The following PRKAR2A variants were observed in gnomAD, a reference collection of about 807,000 sequenced individuals.
PRKAR2A encodes cAMP-dependent protein kinase type II-alpha regulatory subunit.
A neutral mutation model predicts 51.9 loss-of-function variants in PRKAR2A; 29 were observed. The ratio of observed to expected loss-of-function variants is 0.56; its 90% CI spans 0.42 to 0.76. PRKAR2A has a LOEUF of 0.76. PRKAR2A is among the 30% of genes least tolerant of loss of function. PRKAR2A has a pLI of 0.00. For missense variants in PRKAR2A, 445 were observed against 512.1 expected, an observed-to-expected ratio of 0.87 and a Z score of 1.26; for synonymous variants, 178 against 186.2, an observed-to-expected ratio of 0.96 and a Z score of 0.36.
intron 2 of PRKAR2A, among the ~76,000 whole-genome samples, chr3:48,807,287 A>T (rs2082688248): frequency 6.6e-6 from 1 of 152,300 alleles, no homozygotes; most frequent in South Asian, 2.1e-4. Context: ...CACTTCCAGC[A>T]CCAAAACTGA....
rs1187982865 is a variant in PRKAR2A at position 48,782,997 on chromosome 3, A to G, written c.531T>C (p.Tyr177=). 3 of 1,608,578 alleles carry G rather than the reference A, an allele frequency of 1.9e-6. No individual in the cohort carries two copies. The highest frequency in any genetic ancestry group is 8.5e-7 in the Non-Finnish European group (1 of 1,175,128). The part of the protein sequence containing the change: ...IDQGDDGDNF[Y]VIERGTYDIL... ...GCTCCATCTCCTACCGTTCTATGAC[A>G]TAAAAGTTGTCTCCATCATCTCCTT... The change falls in exon 5 of 11, where the codon TAT becomes TAC. Residue 177 remains tyrosine, a synonymous_variant. Coordinates refer to ENST00000265563, the MANE Select transcript of PRKAR2A (RefSeq NM_004157.4).
intron 1 of PRKAR2A, among the ~76,000 whole-genome samples, chr3:48,838,317 T>C (rs2083318286): frequency 1.3e-5 from 2 of 151,442 alleles, no homozygotes; most frequent in South Asian, 2.1e-4. Flanking sequence ...ATGACTAAAG[T>C]GTATGGTGAC....
chr3:48,829,871 A>ATATATATATTT (rs1297832658), intron 1 of PRKAR2A, among the ~76,000 whole-genome samples: 19 of 87,720 alleles, frequency 2.2e-4, no homozygotes, highest in African/African-American at 9.1e-4. Context: ...ATATATATAT[A>ATATATATATTT]TTTTTTTTTT....
At chr3:48,841,429 C>T (rs1321428975) in intron 1 of PRKAR2A, among the ~76,000 whole-genome samples, 1 of 150,752 alleles carries the variant, frequency 6.6e-6, no homozygotes, top group Non-Finnish European at 1.5e-5. Context: ...CCTGTAATCC[C>T]AGCTACTCGG....
intron 1 of PRKAR2A, among the ~76,000 whole-genome samples, chr3:48,830,203 CA>C (rs56960810): frequency 7.0e-4 from 79 of 112,480 alleles, no homozygotes; most frequent in Admixed American, 6.5e-4. Context: ...AGCTCCGTCT[CA>C]AAAAAAAAAA....
Position 48,816,077 on chromosome 3 carries a change from A to T in PRKAR2A, c.263-8393T>A, listed in dbSNP as rs13073126. Among the ~76,000 whole-genome samples the T allele has an allele frequency of 1.3e-3, 195 of 151,456 alleles. 1 individual carries two copies. Among genetic ancestry groups the T allele is most frequent in the Non-Finnish European group, 2.1e-3 (142 of 67,892 alleles). On this transcript the variant is annotated intron_variant, in intron 1 of 10. Coordinates refer to ENST00000265563, the MANE Select transcript of PRKAR2A (RefSeq NM_004157.4). ...TGGCTTTATTACTAATACTTCTCCA[A>T]CCTTGCCTCCTATACCTCTCTCCCC...
In PRKAR2A at chr3:48,765,913, T is replaced by C. The variant is rs2081934351; in HGVS notation, c.697-564A>G. ...GTTTACAATCTTAATGGGGAGATAA[T>C]ATAAAATATCAAAATATGAAGGTTG... On this transcript the variant is annotated intron_variant, in intron 6 of 10. Transcript: ENST00000265563. 1.3e-5 allele frequency among the ~76,000 whole-genome samples: 2 copies of C among 151,986 alleles called. 1 individual carries two copies. The highest frequency in any genetic ancestry group is 4.2e-4 in the South Asian group (2 of 4,816).
rs959024612 is a variant in PRKAR2A, at chr3:48,793,339, A to C, written c.351+658T>G. On this transcript the variant is annotated intron_variant, in intron 3 of 10. Coordinates refer to ENST00000265563, the MANE Select transcript of PRKAR2A (RefSeq NM_004157.4). ...ATACTATGATAAACTCCATTTGTAC[A>C]TCCTCAGGAAGGATCCAACTTTCAT... 2.0e-5 allele frequency among the ~76,000 whole-genome samples: 3 copies of C among 152,166 alleles called. No homozygotes were observed. In the South Asian group the frequency reaches 6.2e-4, roughly 31 times the overall value.
intron 1 of PRKAR2A, among the ~76,000 whole-genome samples, chr3:48,841,544 A>G (rs1170161768): frequency 4.9e-5 from 1 of 20,474 alleles, no homozygotes; most frequent in African/African-American, 1.5e-4. Context: ...ACTCTGTCTC[A>G]AAAAAAAAAA....
intron 1 of PRKAR2A, among the ~76,000 whole-genome samples, chr3:48,829,847 G>GTGTATATATA (rs777532795): frequency 0.014 from 902 of 63,516 alleles, 11 homozygotes; most frequent in Non-Finnish European, 0.02. Context: ...ATGCGTGTGT[G>GTGTATATATA]TATATATATA....
chr3:48,785,030 T>C (rs757583097), intron 4 of PRKAR2A, among the ~76,000 whole-genome samples: 7 of 152,068 alleles, frequency 4.6e-5, no homozygotes, highest in Non-Finnish European at 1.0e-4. Context: ...GGTGATTTTA[T>C]ATTATACCAA....
chr3:48,809,622 A>AAC, intron 1 of PRKAR2A, among the ~76,000 whole-genome samples: 1 of 149,608 alleles, frequency 6.7e-6, no homozygotes, highest in African/African-American at 2.4e-5. Flanking sequence ...AAAAAAAAAA[A>AAC]ACTATATAGT....
At chr3:48,751,819 C>T (rs899548501) in intron 10 of PRKAR2A, 101 bp from the exon 11 acceptor site, 23 of 1,355,600 alleles carry the variant, frequency 1.7e-5, no homozygotes, top group African/African-American at 2.9e-5. Context: ...TGAGATTACG[C>T]CTTGGGACAC....
chr3:48,756,448 A>T lies in PRKAR2A; in HGVS notation c.874-4T>A. The T allele has an allele frequency of 6.2e-7, 1 of 1,612,936 alleles. No homozygotes were observed. The highest frequency in any genetic ancestry group is 8.5e-7 in the Non-Finnish European group (1 of 1,178,998). On this transcript the variant is annotated splice_region_variant and splice_polypyrimidine_tract_variant and intron_variant, in intron 8 of 10. Coordinates refer to ENST00000265563, the MANE Select transcript of PRKAR2A (RefSeq NM_004157.4). ...AAAAGCTATCAGCCTTTTCACCCTG[A>T]AAGAAAAGAGAGGTCAGGTCAGAGC...
chr3:48,758,885 C>T (rs572465323), intron 8 of PRKAR2A, among the ~76,000 whole-genome samples: 7 of 152,148 alleles, frequency 4.6e-5, no homozygotes, highest in South Asian at 2.1e-4. Flanking sequence ...TAGCAGGTAG[C>T]GTGAGTAGTT....
chr3:48,825,137 C>T (rs1331740307), intron 1 of PRKAR2A, among the ~76,000 whole-genome samples: 10 of 143,478 alleles, frequency 7.0e-5, no homozygotes, highest in African/African-American at 2.6e-4. Flanking sequence ...CAGGTTCAAG[C>T]GATGCCTCCT....
chr3:48,823,071 C>CTT lies in PRKAR2A; in HGVS notation c.263-15389_263-15388dup, dbSNP rs1281759433. Reference sequence around the variant, plus strand: ...TCACACAAAGGACTATTTTAAGTGACTTTTTTTTTTTTAACATAGAGACGA... The same window carrying CTT: ...TCACACAAAGGACTATTTTAAGTGACTTTTTTTTTTTTTTAACATAGAGACGA... On this transcript the variant is annotated intron_variant, in intron 1 of 10. Coordinates refer to ENST00000265563, the MANE Select transcript of PRKAR2A (RefSeq NM_004157.4). Among the ~76,000 whole-genome samples, 15 of 145,424 alleles carry CTT rather than the reference C, an allele frequency of 1.0e-4. No individual in the cohort carries two copies. In the East Asian group the frequency reaches 3.0e-3, roughly 29 times the overall value.
At chr3:48,808,239 GT>G (rs1269365690) in intron 1 of PRKAR2A, among the ~76,000 whole-genome samples, 1 of 141,498 alleles carries the variant, frequency 7.1e-6, no homozygotes, top group Non-Finnish European at 1.5e-5. Flanking sequence ...TAAGAGATGG[GT>G]TTTTTGTTTT....
chr3:48,805,866 T>C (rs1309528152), intron 2 of PRKAR2A, among the ~76,000 whole-genome samples: 4 of 152,216 alleles, frequency 2.6e-5, no homozygotes, highest in African/African-American at 9.6e-5. Context: ...GATAATACCA[T>C]GTACTTGTCT....
Sources: gnomAD v4.1 joint callset for allele counts (sites outside exome capture counted in the v4.1 genomes callset) on GRCh38, gnomAD v4.1.1 for gene constraint, MANE v1.5 for transcripts, NCBI Gene and HGNC (gene_info 2026-07-23, HGNC 2026-07-21) for gene names.